The following PHKA2 variants were observed in gnomAD, a reference collection of about 807,000 sequenced individuals.
PHKA2 encodes phosphorylase kinase regulatory subunit alpha 2, also known as phosphorylase b kinase regulatory subunit alpha, liver isoform.
PHKA2 carries 31 observed loss-of-function variants against 102.0 expected under a neutral mutation model. That is an observed-to-expected ratio of 0.30 (90% CI 0.23 to 0.41). The LOEUF (loss-of-function observed/expected upper bound fraction) is 0.41, where lower values mean the gene tolerates loss of function less well. PHKA2 is among the 10% of genes least tolerant of loss of function. The pLI is 1.00. For synonymous variants in PHKA2, 455 were observed against 416.2 expected (o/e 1.09, Z -1.13); for missense variants, 858 against 1,023.1 (o/e 0.84, Z 2.20).
rs202246833 is a variant in PHKA2, at chrX:18,893,462, T to C, written c.*23A>G. On this transcript the variant is annotated 3_prime_UTR_variant, in exon 33 of 33. Transcript: ENST00000379942. ...GGGGGCACGTGACAGATTGAGAGTG[T>C]GATCATGTTTCCAGGTGAGACCCTA... The C allele has an allele frequency of 5.4e-5, 65 of 1,200,757 alleles. No individual in the cohort carries two copies. The highest frequency in any genetic ancestry group is 2.3e-4 in the Middle Eastern group (1 of 4,346).
At chrX:18,947,127 G>A (rs1016519688) in intron 5 of PHKA2, among the ~76,000 whole-genome samples, 10 of 112,017 alleles carry the variant, frequency 8.9e-5, no homozygotes, top group Non-Finnish European at 1.5e-4. Context: ...CTGGGACAGA[G>A]CCATGCTCAT....
intron 1 of PHKA2, among the ~76,000 whole-genome samples, chrX:18,967,417 C>T (rs1383639776): frequency 9.0e-6 from 1 of 110,608 alleles, no homozygotes; most frequent in Admixed American, 9.6e-5. Flanking sequence ...GATGGAAGAT[C>T]ATGTACTACT....
intron 7 of PHKA2, 139 bp from the exon 8 acceptor site, chrX:18,941,814 C>T (rs1367483724): frequency 1.4e-5 from 7 of 511,814 alleles, no homozygotes; most frequent in Non-Finnish European, 2.1e-5. Flanking sequence ...CCAACATGGC[C>T]CCTGCTGGCC....
intron 1 of PHKA2, among the ~76,000 whole-genome samples, chrX:18,980,606 C>T (rs1487006363): frequency 9.0e-6 from 1 of 111,652 alleles, no homozygotes; most frequent in Non-Finnish European, 1.9e-5. Flanking sequence ...TCTTGCTGAC[C>T]TTTTCCCCAC....
In PHKA2 at chrX:18,923,688, A is replaced by G. The variant is rs149400557; in HGVS notation, c.1793+368T>C. ...GCATATTCAAGTTGGTGCAAGGAGCATTTATTGGGCACCTGCAGGATCCCA... is the reference window on the plus strand; with the variant it reads ...GCATATTCAAGTTGGTGCAAGGAGCGTTTATTGGGCACCTGCAGGATCCCA... On this transcript the variant is annotated intron_variant, in intron 17 of 32. Coordinates refer to ENST00000379942, the MANE Select transcript of PHKA2 (RefSeq NM_000292.3). 6.7e-3 allele frequency among the ~76,000 whole-genome samples: 756 copies of G among 112,369 alleles called. 1 individual carries two copies. The highest frequency in any genetic ancestry group is 0.016 in the South Asian group (43 of 2,704).
At position 18,983,873 on chromosome X, in the gene PHKA2, T is replaced by C; in HGVS notation, c.60A>G (p.Gln20=). The C allele has an allele frequency of 5.0e-6, 6 of 1,211,209 alleles. No individual in the cohort carries two copies. Among genetic ancestry groups the C allele is most frequent in the East Asian group, 3.0e-5 (1 of 33,836 alleles). Residue 20 remains glutamine (Q), a synonymous_variant, in exon 1 of 33, where the codon CAA becomes CAG. Transcript: ENST00000379942. ...RLDGYARLVQ[Q]TILCYQNPVT... Reference sequence around the variant, plus strand: ...TCCTTACCTGGTAACACAGGATGGTTTGCTGCACCAGCCGCGCGTACCCGT... The same window carrying C: ...TCCTTACCTGGTAACACAGGATGGTCTGCTGCACCAGCCGCGCGTACCCGT...
At chrX:18,918,174 G>T (rs1384230038) in intron 19 of PHKA2, among the ~76,000 whole-genome samples, 5 of 111,676 alleles carry the variant, frequency 4.5e-5, no homozygotes, top group African/African-American at 1.6e-4. Flanking sequence ...GTGGAAATTT[G>T]TATTGCGAGG....
At chrX:18,949,232 G>A (rs868829603) in intron 4 of PHKA2, among the ~76,000 whole-genome samples, 57 of 111,436 alleles carry the variant, frequency 5.1e-4, no homozygotes, top group African/African-American at 1.6e-3. Flanking sequence ...TTTCCCAGTG[G>A]GAGACAGGGA....
intron 19 of PHKA2, among the ~76,000 whole-genome samples, chrX:18,911,938 A>G (rs2047935535): frequency 8.9e-6 from 1 of 111,835 alleles, no homozygotes; most frequent in Non-Finnish European, 1.9e-5. Context: ...CCCATAACCA[A>G]GGTGTCTTGG....
intron 12 of PHKA2, among the ~76,000 whole-genome samples, chrX:18,931,324 G>A (rs746329251): frequency 9.0e-6 from 1 of 111,621 alleles, no homozygotes; most frequent in South Asian, 3.8e-4. Flanking sequence ...AGGATCAGAT[G>A]TGCTAACAAT....
chrX:18,963,914 A>T (rs1310465628), intron 1 of PHKA2, among the ~76,000 whole-genome samples: 2 of 110,612 alleles, frequency 1.8e-5, no homozygotes, highest in Non-Finnish European at 3.8e-5. Flanking sequence ...CTCCTCACTG[A>T]TCTCCTTGCT....
At chrX:18,900,648 G>A (rs1025019734) in intron 28 of PHKA2, 22 bp downstream of exon 28, 1 of 1,194,192 alleles carries the variant, frequency 8.4e-7, no homozygotes, top group Non-Finnish European at 1.1e-6. Flanking sequence ...AGTAAAGGAC[G>A]AACAAGGCAA....
At chrX:18,941,465 C>T in intron 8 of PHKA2, 64 bp downstream of exon 8, 1 of 1,014,047 alleles carries the variant, frequency 9.9e-7, no homozygotes, top group Non-Finnish European at 1.4e-6. Context: ...GGAACTGAGG[C>T]ATGGGTGAGC....
At chrX:18,937,071 TTCCA>T (rs2048405328) in intron 10 of PHKA2, among the ~76,000 whole-genome samples, 1 of 111,320 alleles carries the variant, frequency 9.0e-6, no homozygotes, top group Non-Finnish European at 1.9e-5. Context: ...ATATTAACAT[TTCCA>T]GCTGACTGCT....
intron 1 of PHKA2, among the ~76,000 whole-genome samples, chrX:18,956,584 A>C (rs774226014): frequency 1.8e-5 from 2 of 112,294 alleles, no homozygotes; most frequent in African/African-American, 6.5e-5. Context: ...AGACACGCTT[A>C]ACTGTTGGAG....
intron 1 of PHKA2, among the ~76,000 whole-genome samples, chrX:18,961,430 C>T (rs777948904): frequency 1.6e-4 from 18 of 110,396 alleles, no homozygotes; most frequent in East Asian, 1.4e-3. Context: ...GAGGCCGAGG[C>T]GGGTGGATCA....
intron 1 of PHKA2, among the ~76,000 whole-genome samples, chrX:18,975,405 G>A (rs1051394414): frequency 3.6e-5 from 4 of 111,905 alleles, no homozygotes; most frequent in African/African-American, 1.3e-4. Flanking sequence ...CGTCATGACT[G>A]TGAGGCTTCC....
At chrX:18,944,334 C>G (rs750712502) in intron 6 of PHKA2, among the ~76,000 whole-genome samples, 6 of 112,198 alleles carry the variant, frequency 5.3e-5, no homozygotes, top group African/African-American at 1.6e-4. Flanking sequence ...CTTCAAACAT[C>G]TGGCACTTCA....
chrX:18,920,739 C>G (rs1483289068), intron 17 of PHKA2, among the ~76,000 whole-genome samples: 1 of 112,137 alleles, frequency 8.9e-6, no homozygotes, highest in African/African-American at 3.2e-5. Context: ...CTGAGTGGCC[C>G]TATCACCTTA....
Sources: allele counts gnomAD v4.1 joint callset (sites outside exome capture counted in the v4.1 genomes callset), GRCh38; gene constraint gnomAD v4.1.1; transcripts MANE v1.5; gene names NCBI Gene and HGNC (gene_info 2026-07-23, HGNC 2026-07-21).